The following HIPK2 variants were observed in gnomAD, a reference collection of about 807,000 sequenced individuals.
The protein encoded by HIPK2 is homeodomain interacting protein kinase 2, also known as homeodomain-interacting protein kinase 2.
A neutral mutation model predicts 113.7 loss-of-function variants in HIPK2; 27 were observed. The observed-to-expected ratio is 0.24, with a 90% CI of 0.17 to 0.33. The LOEUF is 0.33. Ranked by LOEUF, HIPK2 falls within the 10% of genes least tolerant of loss-of-function variation. The probability of loss-of-function intolerance (pLI) is 1.00; values close to 1 mark genes in which losing one functional copy is unlikely to be tolerated. For missense variants in HIPK2, 1,257 were observed against 1,588.0 expected, an observed-to-expected ratio of 0.79 and a Z score of 3.54; for synonymous variants, 631 against 642.2, an observed-to-expected ratio of 0.98 and a Z score of 0.26.
chr7:139,742,522 T>G (rs569997052), intron 1 of HIPK2, among the ~76,000 whole-genome samples: 87 of 152,244 alleles, frequency 5.7e-4, no homozygotes, highest in African/African-American at 2.1e-3. Flanking sequence ...TTTTTCTCCA[T>G]ACAAAACACT....
chr7:139,607,768 G>A (rs1301542526), intron 9 of HIPK2, among the ~76,000 whole-genome samples: 1 of 152,084 alleles, frequency 6.6e-6, no homozygotes. Context: ...GGAGGAACAG[G>A]AGAGAAATTG....
chr7:139,715,173 G>A (rs907021173), intron 2 of HIPK2, among the ~76,000 whole-genome samples: 1 of 152,174 alleles, frequency 6.6e-6, no homozygotes, highest in African/African-American at 2.4e-5. Flanking sequence ...ACTGCGGCTG[G>A]CACATATTAA....
intron 1 of HIPK2, among the ~76,000 whole-genome samples, chr7:139,740,463 C>T (rs551731352): frequency 7.9e-5 from 12 of 152,300 alleles, no homozygotes; most frequent in South Asian, 2.1e-4. Flanking sequence ...CTCTACCGTC[C>T]CTCACCAGGG....
intron 1 of HIPK2, among the ~76,000 whole-genome samples, chr7:139,742,278 C>T (rs1231229819): frequency 2.0e-5 from 3 of 152,126 alleles, no homozygotes; most frequent in Non-Finnish European, 2.9e-5. Context: ...GGAGGCCATG[C>T]TTACCAAACT....
intron 2 of HIPK2, among the ~76,000 whole-genome samples, chr7:139,638,091 T>C (rs1335366725): frequency 2.6e-5 from 4 of 152,108 alleles, no homozygotes; most frequent in Non-Finnish European, 5.9e-5. Flanking sequence ...TTTATGGCCA[T>C]TGTCATTACG....
intron 1 of HIPK2, among the ~76,000 whole-genome samples, chr7:139,724,752 A>G (rs567777566): frequency 1.8e-4 from 25 of 141,970 alleles, no homozygotes; most frequent in Non-Finnish European, 3.1e-4. Flanking sequence ...TCACTGTTCA[A>G]TTCCCATCTA....
chr7:139,658,251 A>G (rs979847284), intron 2 of HIPK2, among the ~76,000 whole-genome samples: 4 of 151,892 alleles, frequency 2.6e-5, no homozygotes, highest in African/African-American at 9.7e-5. Context: ...GGTTGCAGTG[A>G]GCAGAGATCG....
chr7:139,702,703 C>A (rs1298193081), intron 2 of HIPK2, among the ~76,000 whole-genome samples: 1 of 152,158 alleles, frequency 6.6e-6, no homozygotes, highest in Non-Finnish European at 1.5e-5. Context: ...ATAATCATGT[C>A]AGAAGCAAGG....
intron 2 of HIPK2, among the ~76,000 whole-genome samples, chr7:139,710,677 T>C (rs970641598): frequency 1.3e-5 from 2 of 152,178 alleles, no homozygotes; most frequent in African/African-American, 4.8e-5. Context: ...GAACTGAAAA[T>C]TAATCTCCAC....
rs1420497638 is a variant in HIPK2, at chr7:139,573,073, G to C, written c.3451C>G (p.Arg1151Gly). 6.2e-7 allele frequency: 1 copy of C among 1,611,344 alleles called. No homozygotes were observed. The highest frequency in any genetic ancestry group is 8.5e-7 in the Non-Finnish European group (1 of 1,178,960). Reference sequence around the variant, plus strand: ...TGGATGGTGGGCGAGGGCAGGACCCGGGGGCCCATGCTCACGGGGACCTGG... The same window carrying C: ...TGGATGGTGGGCGAGGGCAGGACCCCGGGGCCCATGCTCACGGGGACCTGG... ...VHQVPVSMGP[R>G]VLPSPTIHPS... is the part of the protein sequence containing the mutation. Residue 1151 changes from arginine (R) to glycine (G), a missense_variant, in exon 15 of 15, where the codon CGG becomes GGG. By Grantham distance (125) the Arg-to-Gly change is moderately radical. This residue lies in a region of HIPK2 where 862 missense variants were observed against 1,004.3 expected (regional missense o/e 0.86). Coordinates refer to ENST00000406875, the MANE Select transcript of HIPK2 (RefSeq NM_022740.5).
chr7:139,644,418 G>A (rs754699885), intron 2 of HIPK2, among the ~76,000 whole-genome samples: 11 of 152,324 alleles, frequency 7.2e-5, no homozygotes, highest in Non-Finnish European at 1.5e-4. Context: ...GGGTATGGGT[G>A]CACATCGGTG....
At position 139,716,766 on chromosome 7, in the gene HIPK2, G is replaced by A. The variant is rs1459283274; in HGVS notation, c.269C>T (p.Thr90Ile). The A allele has an allele frequency of 6.2e-7, 1 of 1,613,942 alleles. No individual in the cohort carries two copies. Among genetic ancestry groups the A allele is most frequent in the Non-Finnish European group, 8.5e-7 (1 of 1,179,884 alleles). The change falls in exon 2 of 15, where the codon ACC becomes ATC. Residue 90 changes from threonine to isoleucine, a missense_variant. Physicochemically the swap from Thr to Ile is moderately conservative, Grantham distance 89. Coordinates refer to ENST00000406875, the MANE Select transcript of HIPK2 (RefSeq NM_022740.5). This position sits in a 1 kb window ranked among gnomAD's most constrained non-coding sequence, Gnocchi z 9.3. ...TGCTGAGGTGACCACGATGTGCCCG[G>A]TGCTTCCTGGGAAGACGATGGTCTG... ...YEQTIVFPGS[T>I]GHIVVTSASS...
intron 6 of HIPK2, among the ~76,000 whole-genome samples, chr7:139,625,308 A>C (rs1800388139): frequency 6.6e-6 from 1 of 152,154 alleles, no homozygotes; most frequent in Non-Finnish European, 1.5e-5. Flanking sequence ...CACTCCACTG[A>C]ATGGCTGCCA....
rs1795256110 is a variant in HIPK2, at chr7:139,716,753, C to T, written c.282G>A (p.Val94=). The T allele has an allele frequency of 1.2e-6, 2 of 1,613,880 alleles. No homozygotes were observed. The highest frequency in any genetic ancestry group is 1.7e-6 in the Non-Finnish European group (2 of 1,179,868). ...IVFPGSTGHI[V]VTSASSTSVT... ...CAGAAGTGCTGCTTGCTGAGGTGAC[C>T]ACGATGTGCCCGGTGCTTCCTGGGA... Residue 94 remains valine, a synonymous_variant, in exon 2 of 15, where the codon GTG becomes GTA. Transcript: ENST00000406875. This position sits in a 1 kb window ranked among gnomAD's most constrained non-coding sequence, Gnocchi z 9.3.
intron 7 of HIPK2, among the ~76,000 whole-genome samples, chr7:139,619,579 C>T (rs1471939108): frequency 6.6e-6 from 1 of 152,186 alleles, no homozygotes; most frequent in Non-Finnish European, 1.5e-5. Flanking sequence ...ATTCTGGTGA[C>T]AGGCTGATGA....
chr7:139,777,663 G>A lies in HIPK2; in HGVS notation c.-40C>T, dbSNP rs1431089766. On this transcript the variant is annotated 5_prime_UTR_variant, in exon 1 of 15. Transcript: ENST00000406875. ...CCGCGGTTCATGGCAACGGGGACGG[G>A]AAAGCGGCGCGCGAGCTCGGCCCCC... 1.8e-6 allele frequency: 2 copies of A among 1,086,522 alleles called. No homozygotes were observed. Among genetic ancestry groups the A allele is most frequent in the African/African-American group, 1.7e-5 (1 of 59,098 alleles). 67.3% of individuals were successfully genotyped at this position (1,086,522 alleles called of 1,614,324 possible). A position where few individuals can be genotyped will look rare whatever the true frequency, so the allele number is the denominator to read the frequency against.
At chr7:139,687,308 T>C (rs1794254635) in intron 2 of HIPK2, among the ~76,000 whole-genome samples, 1 of 152,148 alleles carries the variant, frequency 6.6e-6, no homozygotes, top group South Asian at 2.1e-4. Context: ...AGCATACAAA[T>C]GAGGTAAGTA....
intron 2 of HIPK2, among the ~76,000 whole-genome samples, chr7:139,643,734 A>G (rs1346598510): frequency 1.3e-5 from 2 of 152,254 alleles, no homozygotes; most frequent in Non-Finnish European, 2.9e-5. Context: ...GAAAGAAGAA[A>G]AAAAGAAAAC....
At chr7:139,656,042 T>A (rs1801656393) in intron 2 of HIPK2, among the ~76,000 whole-genome samples, 1 of 152,158 alleles carries the variant, frequency 6.6e-6, no homozygotes, top group South Asian at 2.1e-4. Context: ...CCAAGTCCCC[T>A]TAGGGTTGCT....
Sources: gnomAD v4.1 joint callset for allele counts (sites outside exome capture counted in the v4.1 genomes callset) on GRCh38, gnomAD v4.1.1 for gene constraint, gnomAD v4.1.1 regional missense constraint, Gnocchi (gnomAD v3.1) non-coding constraint, MANE v1.5 for transcripts, NCBI Gene and HGNC (gene_info 2026-07-23, HGNC 2026-07-21) for gene names.